UST: variants seen among roughly 807,000 people sequenced by gnomAD.
UST encodes uronyl 2-sulfotransferase.
In UST, 21 loss-of-function variants were observed where a neutral mutation model predicts 45.6. The observed-to-expected ratio is 0.46, with a 90% CI of 0.33 to 0.66. The LOEUF is 0.66. UST is among the 30% of genes least tolerant of loss of function. The probability of loss-of-function intolerance (pLI) is 0.02; values close to 1 mark genes in which losing one functional copy is unlikely to be tolerated. For synonymous variants in UST, 215 were observed against 200.6 expected (o/e 1.07, Z -0.61); for missense variants, 463 against 512.4 (o/e 0.90, Z 0.93).
chr6:149,061,831 C>T (rs1020873082), intron 7 of UST, among the ~76,000 whole-genome samples: 14 of 152,198 alleles, frequency 9.2e-5, no homozygotes, highest in African/African-American at 3.4e-4. Context: ...GTCCTTGGCA[C>T]ATAGGTCAAA....
chr6:148,785,037 T>C (rs1401845763), intron 1 of UST, among the ~76,000 whole-genome samples: 1 of 152,174 alleles, frequency 6.6e-6, no homozygotes, highest in Non-Finnish European at 1.5e-5. Flanking sequence ...AGTGAAACCC[T>C]GTCTCGACTG....
chr6:149,022,537 T>C (rs1582963550), intron 7 of UST, among the ~76,000 whole-genome samples: 1 of 151,712 alleles, frequency 6.6e-6, no homozygotes, highest in Non-Finnish European at 1.5e-5. Context: ...GAGGTGGAGG[T>C]TGCAGTGAGC....
intron 1 of UST, among the ~76,000 whole-genome samples, chr6:148,852,542 C>T (rs926100402): frequency 3.3e-5 from 5 of 152,136 alleles, no homozygotes; most frequent in Admixed American, 2.6e-4. Flanking sequence ...TCTGTTTTTA[C>T]TTTATCCATT....
At chr6:148,842,517 G>C (rs117773237) in intron 1 of UST, among the ~76,000 whole-genome samples, 1 of 152,326 alleles carries the variant, frequency 6.6e-6, no homozygotes, top group Non-Finnish European at 1.5e-5. Flanking sequence ...GAGGCCGCCG[G>C]CTGACTTTGT....
chr6:149,059,770 A>G (rs1328772357), intron 7 of UST, among the ~76,000 whole-genome samples: 3 of 152,208 alleles, frequency 2.0e-5, no homozygotes, highest in Non-Finnish European at 4.4e-5. Flanking sequence ...TCTGAGCATA[A>G]GTAGTGTGGA....
At chr6:148,890,465 T>G (rs1195421973) in intron 2 of UST, among the ~76,000 whole-genome samples, 1 of 152,244 alleles carries the variant, frequency 6.6e-6, no homozygotes, top group African/African-American at 2.4e-5. Flanking sequence ...ATTTGCTTAG[T>G]GCTCAAAAAA....
chr6:148,901,088 T>A (rs1045396365), intron 2 of UST, among the ~76,000 whole-genome samples: 23 of 152,216 alleles, frequency 1.5e-4, no homozygotes, highest in Non-Finnish European at 3.1e-4. Flanking sequence ...AAGTCCTTTT[T>A]GCCATGTAGG....
chr6:149,051,739 C>T (rs944614237), intron 7 of UST, among the ~76,000 whole-genome samples: 3 of 152,086 alleles, frequency 2.0e-5, no homozygotes, highest in African/African-American at 7.2e-5. Context: ...ATTGCAGTGG[C>T]GATGGGGGGG....
chr6:148,808,947 C>T (rs1461144849), intron 1 of UST, among the ~76,000 whole-genome samples: 1 of 152,220 alleles, frequency 6.6e-6, no homozygotes, highest in African/African-American at 2.4e-5. Context: ...TTGGACTTCC[C>T]CACCTCCAGA....
intron 5 of UST, among the ~76,000 whole-genome samples, chr6:149,009,539 C>T (rs1371637966): frequency 6.8e-6 from 1 of 146,246 alleles, no homozygotes; most frequent in East Asian, 2.0e-4. Flanking sequence ...TTAAAGAGCA[C>T]ACAATCTTCT....
intron 5 of UST, among the ~76,000 whole-genome samples, chr6:148,996,061 G>A (rs1191905186): frequency 6.6e-6 from 1 of 152,208 alleles, no homozygotes; most frequent in Non-Finnish European, 1.5e-5. Flanking sequence ...AGCGTTGAAG[G>A]ATGCTACATT....
At chr6:148,920,079 C>T (rs73003913) in intron 2 of UST, among the ~76,000 whole-genome samples, 4,030 of 152,310 alleles carry the variant, frequency 0.026, 69 homozygotes, top group Non-Finnish European at 0.04. Context: ...ACACAAAAAA[C>T]TTGATTCCTT....
rs191463500 is a variant in UST at position 149,053,426 on chromosome 6, A to G, written c.938-20407A>G. Reference sequence around the variant, plus strand: ...GACTGTGAATATCAATAAGTTTGAAAACATTCCATGCTCATGTTCAGGGTC... The same window carrying G: ...GACTGTGAATATCAATAAGTTTGAAGACATTCCATGCTCATGTTCAGGGTC... On this transcript the variant is annotated intron_variant, in intron 7 of 7. Coordinates refer to ENST00000367463, the MANE Select transcript of UST (RefSeq NM_005715.3). Among the ~76,000 whole-genome samples, 74 of 152,326 alleles carry G rather than the reference A, an allele frequency of 4.9e-4. 1 individual carries two copies. Among genetic ancestry groups the G allele is most frequent in the Admixed American group, 1.2e-3 (18 of 15,298 alleles).
At chr6:148,988,573 C>CAA (rs760248567) in intron 5 of UST, among the ~76,000 whole-genome samples, 1,356 of 86,638 alleles carry the variant, frequency 0.016, 23 homozygotes, top group African/African-American at 0.037. Flanking sequence ...GACCCTGTCT[C>CAA]AAAAAAAAAA....
chr6:148,872,365 T>C (rs1778574998), intron 1 of UST, among the ~76,000 whole-genome samples: 2 of 152,132 alleles, frequency 1.3e-5, no homozygotes, highest in Admixed American at 1.3e-4. Context: ...TAAAACAAAA[T>C]ACAAAATATT....
intron 7 of UST, among the ~76,000 whole-genome samples, chr6:149,029,172 A>C (rs1373689191): frequency 6.6e-6 from 1 of 151,964 alleles, no homozygotes; most frequent in Non-Finnish European, 1.5e-5. Context: ...AAAGGATTCC[A>C]AGTCCAATTG....
intron 1 of UST, among the ~76,000 whole-genome samples, chr6:148,844,437 G>A (rs950026448): frequency 1.3e-5 from 2 of 152,074 alleles, no homozygotes; most frequent in African/African-American, 2.4e-5. Flanking sequence ...TTGCAGTAAT[G>A]TGCACATATC....
At chr6:149,050,434 A>G (rs994487371) in intron 7 of UST, among the ~76,000 whole-genome samples, 1 of 152,320 alleles carries the variant, frequency 6.6e-6, no homozygotes, top group African/African-American at 2.4e-5. Flanking sequence ...TCATGCTGTG[A>G]TATCTTGAAG....
chr6:148,976,791 G>A (rs1238960008), intron 5 of UST, among the ~76,000 whole-genome samples: 1 of 152,174 alleles, frequency 6.6e-6, no homozygotes, highest in Non-Finnish European at 1.5e-5. Context: ...TAAATTGCAA[G>A]TATTGTTTTC....
Sources: gnomAD v4.1 joint callset for allele counts (sites outside exome capture counted in the v4.1 genomes callset) on GRCh38, gnomAD v4.1.1 for gene constraint, MANE v1.5 for transcripts, NCBI Gene and HGNC (gene_info 2026-07-23, HGNC 2026-07-21) for gene names.